The following INPP4B variants were observed in gnomAD, a reference collection of about 807,000 sequenced individuals.
The protein encoded by INPP4B is inositol polyphosphate-4-phosphatase type II B.
Under a neutral mutation model 122.5 loss-of-function variants are expected in INPP4B, and 55 were observed. That is an observed-to-expected ratio of 0.45 (90% confidence interval 0.36 to 0.56). The LOEUF is 0.56. Among genes scored for constraint, INPP4B ranks in the 20% least tolerant of loss-of-function variants. The pLI, the probability that INPP4B is intolerant of heterozygous loss-of-function variation, is 0.00. For synonymous variants in INPP4B, 403 were observed against 388.7 expected (o/e 1.04, Z -0.43); for missense variants, 1,000 against 1,097.7 (o/e 0.91, Z 1.26).
At chr4:142,486,913 A>G (rs1175308408) in intron 2 of INPP4B, among the ~76,000 whole-genome samples, 3 of 152,172 alleles carry the variant, frequency 2.0e-5, no homozygotes, top group African/African-American at 7.2e-5. Context: ...TCTCTTGTGG[A>G]CATTGTATTT....
At chr4:142,623,385 T>C (rs1477283035) in intron 2 of INPP4B, among the ~76,000 whole-genome samples, 4 of 151,896 alleles carry the variant, frequency 2.6e-5, no homozygotes, top group Non-Finnish European at 4.4e-5. Flanking sequence ...CCCCACCACA[T>C]GACTGGAGTT....
At chr4:142,842,121 ACTT>A (rs1002617925) in intron 1 of INPP4B, among the ~76,000 whole-genome samples, 13 of 151,864 alleles carry the variant, frequency 8.6e-5, no homozygotes, top group African/African-American at 3.1e-4. Flanking sequence ...GATTTGAAAA[ACTT>A]CTCAAAATTT....
intron 2 of INPP4B, among the ~76,000 whole-genome samples, chr4:142,588,214 A>G (rs1452505758): frequency 1.3e-5 from 2 of 151,998 alleles, no homozygotes; most frequent in African/African-American, 4.8e-5. Context: ...ATGATAAGAA[A>G]CTAGATACTT....
intron 2 of INPP4B, among the ~76,000 whole-genome samples, chr4:142,662,540 G>A (rs939506587): frequency 6.6e-6 from 1 of 152,120 alleles, no homozygotes; most frequent in African/African-American, 2.4e-5. Flanking sequence ...ATTCAGGTTT[G>A]TCCATGTGCT....
At chr4:142,684,795 T>C (rs1043609126) in intron 2 of INPP4B, among the ~76,000 whole-genome samples, 2 of 152,006 alleles carry the variant, frequency 1.3e-5, no homozygotes, top group Non-Finnish European at 2.9e-5. Context: ...CTTGGTCACA[T>C]TATTCTTATA....
intron 11 of INPP4B, among the ~76,000 whole-genome samples, chr4:142,239,454 C>T (rs1216069007): frequency 6.6e-6 from 1 of 152,066 alleles, no homozygotes; most frequent in East Asian, 1.9e-4. Context: ...AATATAAGCA[C>T]AATATTTAAA....
chr4:142,343,825 T>C (rs1779442823), intron 7 of INPP4B, among the ~76,000 whole-genome samples: 1 of 152,022 alleles, frequency 6.6e-6, no homozygotes, highest in Non-Finnish European at 1.5e-5. Flanking sequence ...AGAAAAACCA[T>C]TTTTTACACC....
chr4:142,701,183 G>T (rs968230173), intron 2 of INPP4B, among the ~76,000 whole-genome samples: 1 of 152,082 alleles, frequency 6.6e-6, no homozygotes, highest in Non-Finnish European at 1.5e-5. Flanking sequence ...TCAGAAAAGT[G>T]CAGGTGGTAA....
intron 1 of INPP4B, among the ~76,000 whole-genome samples, chr4:142,810,733 C>T (rs1331514486): frequency 2.0e-5 from 3 of 152,164 alleles, no homozygotes; most frequent in Non-Finnish European, 4.4e-5. Flanking sequence ...TAGGTATGGT[C>T]ACACATAAGG....
chr4:142,445,850 A>T (rs1812805714), intron 3 of INPP4B, among the ~76,000 whole-genome samples: 1 of 152,156 alleles, frequency 6.6e-6, no homozygotes, highest in South Asian at 2.1e-4. Context: ...TTCTGACCAC[A>T]AGGAGATTGA....
At chr4:142,789,259 G>A (rs11100759) in intron 1 of INPP4B, among the ~76,000 whole-genome samples, 15,329 of 152,000 alleles carry the variant, frequency 0.1, 1,063 homozygotes, top group African/African-American at 0.19. Context: ...AAAGAAATAA[G>A]GGGCATCCAA....
At chr4:142,716,392 C>A (rs983630090) in intron 2 of INPP4B, among the ~76,000 whole-genome samples, 4 of 152,174 alleles carry the variant, frequency 2.6e-5, no homozygotes, top group Non-Finnish European at 5.9e-5. Flanking sequence ...ACTATCGCAT[C>A]TTTCTAATAC....
chr4:142,563,502 T>C (rs1461931501), intron 2 of INPP4B, among the ~76,000 whole-genome samples: 1 of 152,192 alleles, frequency 6.6e-6, no homozygotes, highest in Non-Finnish European at 1.5e-5. Context: ...ATAGCAGTGA[T>C]AGAAATAGAA....
At chr4:142,476,708 A>G (rs1580164162) in intron 2 of INPP4B, among the ~76,000 whole-genome samples, 1 of 152,332 alleles carries the variant, frequency 6.6e-6, no homozygotes, top group East Asian at 1.9e-4. Context: ...AAAATGACAA[A>G]TAAGGGCATT....
intron 16 of INPP4B, among the ~76,000 whole-genome samples, chr4:142,164,342 C>T (rs1393546311): frequency 6.6e-6 from 1 of 151,820 alleles, no homozygotes; most frequent in East Asian, 1.9e-4. Flanking sequence ...GCTGAAAAAA[C>T]ATTTAAGGCA....
intron 1 of INPP4B, among the ~76,000 whole-genome samples, chr4:142,803,649 T>TAAAAAAAAAAAAAAA (rs34262906): frequency 2.9e-5 from 4 of 138,978 alleles, no homozygotes; most frequent in Admixed American, 7.1e-5. Context: ...CAATAAAACT[T>TAAAAAAAAAAAAAAA]AAAAAAAAAA....
rs192885093 is a variant in INPP4B at position 142,194,776 on chromosome 4, A to T, written c.1073-1581T>A. 4.6e-5 allele frequency among the ~76,000 whole-genome samples: 7 copies of T among 152,280 alleles called. No individual in the cohort carries two copies. The East Asian group carries it at 1.4e-3, about 29-fold the overall frequency. On this transcript the variant is annotated intron_variant, in intron 14 of 25. Transcript: ENST00000262992. ...TGGATTCCTGATCTGCCACTTATTTAACTTCTCTATGTCTCAGTTTCCTTA... is the reference window on the plus strand; with the variant it reads ...TGGATTCCTGATCTGCCACTTATTTTACTTCTCTATGTCTCAGTTTCCTTA...
rs1278078723 is a variant in INPP4B, at chr4:142,698,183, A to G, written c.-191+27656T>C. The stretch of plus-strand genomic sequence containing the variant: ...GCATGAACATGCCCTTACCAGTAAG[A>G]GAAAACAATTAAGTTACAGATCTTA... On this transcript the variant is annotated intron_variant, in intron 2 of 25. Transcript: ENST00000262992. Among the ~76,000 whole-genome samples, 3 of 152,178 alleles carry G rather than the reference A, an allele frequency of 2.0e-5. No individual in the cohort carries two copies. In the East Asian group the frequency reaches 5.8e-4, roughly 29 times the overall value.
At chr4:142,597,541 C>G (rs1738985429) in intron 2 of INPP4B, among the ~76,000 whole-genome samples, 1 of 152,186 alleles carries the variant, frequency 6.6e-6, no homozygotes, top group South Asian at 2.1e-4. Context: ...TTATCCTAAA[C>G]TAGAAAATCC....
Sources: allele counts gnomAD v4.1 joint callset (sites outside exome capture counted in the v4.1 genomes callset), GRCh38; gene constraint gnomAD v4.1.1; transcripts MANE v1.5; gene names NCBI Gene and HGNC (gene_info 2026-07-23, HGNC 2026-07-21).